PSG3: variants seen among roughly 807,000 people sequenced by gnomAD.
PSG3 encodes pregnancy-specific beta-1-glycoprotein 3.
PSG3 carries 61 observed loss-of-function variants against 47.5 expected under a neutral mutation model. The observed-to-expected ratio is 1.28, with a 90% CI of 1.05 to 1.59. The LOEUF is 1.59. Among genes scored for constraint, PSG3 ranks in the 40% most tolerant of loss-of-function variants. PSG3 has a pLI of 0.00. For missense variants in PSG3, 756 were observed against 524.0 expected, an observed-to-expected ratio of 1.44 and a Z score of -4.32; for synonymous variants, 263 against 198.4, an observed-to-expected ratio of 1.33 and a Z score of -2.74.
intron 6 of PSG3, among the ~76,000 whole-genome samples, chr19:42,722,337 G>A (rs1245743252): frequency 2.6e-5 from 4 of 152,030 alleles, no homozygotes; most frequent in Admixed American, 6.5e-5. Flanking sequence ...TGCAAGCTCC[G>A]CCTCCCGGGT....
intron 2 of PSG3, among the ~76,000 whole-genome samples, chr19:42,735,801 G>A (rs922591633): frequency 1.2e-4 from 18 of 152,244 alleles, no homozygotes; most frequent in African/African-American, 4.3e-4. Context: ...CGGAGAATGT[G>A]AGCTTTATAG....
intron 6 of PSG3, among the ~76,000 whole-genome samples, chr19:42,722,491 T>A (rs761340002): frequency 1.3e-5 from 2 of 152,198 alleles, no homozygotes; most frequent in South Asian, 4.1e-4. Flanking sequence ...CCTGACCTTG[T>A]GATCCGCCCA....
At chr19:42,733,376 G>T in intron 2 of PSG3, 1 of 397,776 alleles carries the variant, frequency 2.5e-6, no homozygotes, top group South Asian at 3.9e-5. Flanking sequence ...CGAAGTGCCT[G>T]CCTGGCCCAC....
chr19:42,739,896 T>TA (rs1021441942), intron 1 of PSG3, among the ~76,000 whole-genome samples: 15 of 152,294 alleles, frequency 9.8e-5, no homozygotes, highest in African/African-American at 3.4e-4. Flanking sequence ...CTCTTGGGTG[T>TA]ATTTTCCCCT....
intron 2 of PSG3, among the ~76,000 whole-genome samples, chr19:42,734,767 G>C (rs1969534316): frequency 6.6e-6 from 1 of 152,284 alleles, no homozygotes; most frequent in Admixed American, 6.5e-5. Flanking sequence ...TTGCATAAAG[G>C]GAGGAAGGAT....
chr19:42,722,500 C>T (rs1360344180), intron 6 of PSG3, among the ~76,000 whole-genome samples: 2 of 152,200 alleles, frequency 1.3e-5, no homozygotes, highest in African/African-American at 4.8e-5. Context: ...GTGATCCGCC[C>T]ACCTCGGCCT....
rs1283783447 is a variant in PSG3 at position 42,729,180 on chromosome 19, CAG to C, written c.1184_1185del (p.Ser395CysfsTer3). ...TCCATGCCAGTGGCTGAGTTACGAACAGAGCAAGCATAGAGCCCGCTATGCTT... is the reference window on the plus strand; with the variant it reads ...TCCATGCCAGTGGCTGAGTTACGAACAGCAAGCATAGAGCCCGCTATGCTT... ...TTKHSGLYACSVRNSATGMES... is the reference protein window; with the variant it reads ...TTKHSGLYACXVRNSATGMES... On this transcript the variant is annotated frameshift_variant, in exon 5 of 7. Transcript: ENST00000327495. LOFTEE classifies it high-confidence loss of function. The C allele has an allele frequency of 3.1e-6, 5 of 1,613,990 alleles. No individual in the cohort carries two copies. The African/African-American group carries it at 4.0e-5, about 13-fold the overall frequency.
intron 3 of PSG3, 168 bp downstream of exon 3, chr19:42,732,616 C>G (rs550849310): frequency 4.8e-5 from 71 of 1,483,350 alleles, no homozygotes; most frequent in Admixed American, 1.8e-4. Flanking sequence ...TATTGTTGAT[C>G]AAGCCTAGGC....
At chr19:42,723,237 C>A (rs1007590798) in intron 6 of PSG3, among the ~76,000 whole-genome samples, 1 of 152,160 alleles carries the variant, frequency 6.6e-6, no homozygotes, top group Non-Finnish European at 1.5e-5. Context: ...TCTTAGTTCT[C>A]CACGAGGTCA....
At chr19:42,722,794 C>T (rs986332612) in intron 6 of PSG3, among the ~76,000 whole-genome samples, 69 of 152,220 alleles carry the variant, frequency 4.5e-4, no homozygotes, top group African/African-American at 9.6e-4. Flanking sequence ...CCAGTACTTC[C>T]AGCTGAACAT....
chr19:42,738,597 A>G lies in PSG3; in HGVS notation c.430+127T>C, dbSNP rs1004381143. The G allele has an allele frequency of 2.9e-5, 45 of 1,570,636 alleles. No homozygotes were observed. The Admixed American group carries it at 5.3e-4, about 18-fold the overall frequency. On this transcript the variant is annotated intron_variant, in intron 2 of 6. Transcript: ENST00000327495. ...CTCTTCTGTGTGTGTCCTGCACTAA[A>G]TGCCCAAACCCCAGCATGGGACATA...
At chr19:42,722,116 A>T (rs1479496741) in intron 6 of PSG3, 26 bp from the exon 7 acceptor site, 1 of 410,656 alleles carries the variant, frequency 2.4e-6, no homozygotes, top group Non-Finnish European at 4.4e-6. Flanking sequence ...ATTTAAAATG[A>T]CTATGGTTAA....
intron 2 of PSG3, among the ~76,000 whole-genome samples, chr19:42,737,172 A>G (rs1969578631): frequency 6.6e-6 from 1 of 151,994 alleles, no homozygotes; most frequent in Non-Finnish European, 1.5e-5. Context: ...GTGGCCAAAG[A>G]GCTTCAGAGT....
At position 42,738,954 on chromosome 19, in the gene PSG3, C is replaced by T. The variant is rs1969616050; in HGVS notation, c.200G>A (p.Trp67Ter). Reference sequence around the variant, plus strand: ...GAGGTCCTTCATTTGCCCTTTGTACCAGATGTAGCCAGCAAGATTCTGGGG... The same window carrying T: ...GAGGTCCTTCATTTGCCCTTTGTACTAGATGTAGCCAGCAAGATTCTGGGG... ...NLPQNLAGYIWYKGQMKDLYH... is the reference protein window; with the variant it reads ...NLPQNLAGYI Residue 67 changes from tryptophan (W) to a stop codon, truncating the protein, a stop_gained, in exon 2 of 7, where the codon TGG becomes TAG. Transcript: ENST00000327495. LOFTEE classifies it high-confidence loss of function. The T allele has an allele frequency of 5.6e-6, 9 of 1,613,974 alleles. No homozygotes were observed. In the East Asian group the frequency reaches 2.0e-4, roughly 36 times the overall value.
At position 42,724,045 on chromosome 19, in the gene PSG3, A is replaced by G; in HGVS notation, c.1244-20T>C. 1 of 1,604,964 alleles carries G rather than the reference A, an allele frequency of 6.2e-7. No individual in the cohort carries two copies. The highest frequency in any genetic ancestry group is 8.5e-7 in the Non-Finnish European group (1 of 1,171,740). On this transcript the variant is annotated intron_variant, in intron 5 of 6. Coordinates refer to ENST00000327495, the MANE Select transcript of PSG3 (RefSeq NM_021016.4). ...AAGGAGCTGTCATGGAAAAAAAAGA[A>G]AAGAAGGAATGAAGATGATGTTATT...
rs575727426 is a variant in PSG3 at position 42,728,670 on chromosome 19, C to T, written c.1243+453G>A. 7.3e-4 allele frequency among the ~76,000 whole-genome samples: 111 copies of T among 152,346 alleles called. 1 individual carries two copies. Among genetic ancestry groups the T allele is most frequent in the Non-Finnish European group, 1.2e-3 (83 of 68,036 alleles). On this transcript the variant is annotated intron_variant, in intron 5 of 6. Transcript: ENST00000327495. ...AGCAGGAAGCAGAGTCTGAGCTGCTCCTCCCTCACCCAAGGGGCTTCCTCC... is the reference window on the plus strand; with the variant it reads ...AGCAGGAAGCAGAGTCTGAGCTGCTTCTCCCTCACCCAAGGGGCTTCCTCC...
chr19:42,730,792 G>A (rs1969460784), intron 3 of PSG3, among the ~76,000 whole-genome samples: 1 of 152,192 alleles, frequency 6.6e-6, no homozygotes, highest in Non-Finnish European at 1.5e-5. Context: ...CCCTGTCTTG[G>A]GTTCTTTAAG....
chr19:42,726,115 A>G (rs539477569), intron 5 of PSG3, among the ~76,000 whole-genome samples: 1 of 152,256 alleles, frequency 6.6e-6, no homozygotes, highest in East Asian at 1.9e-4. Flanking sequence ...TTTTCATAAT[A>G]AAAACTTTCT....
At chr19:42,733,272 T>A in intron 2 of PSG3, 1 of 1,118,848 alleles carries the variant, frequency 8.9e-7, no homozygotes, top group Non-Finnish European at 1.2e-6. Context: ...AAGCACAGAC[T>A]TTCTTAACTG....
Sources: gnomAD v4.1 joint callset for allele counts (sites outside exome capture counted in the v4.1 genomes callset) on GRCh38, gnomAD v4.1.1 for gene constraint, MANE v1.5 for transcripts, NCBI Gene and HGNC (gene_info 2026-07-23, HGNC 2026-07-21) for gene names.